TNRC6B: variants seen among roughly 807,000 people sequenced by gnomAD.
TNRC6B encodes the protein trinucleotide repeat containing adaptor 6B.
A neutral mutation model predicts 203.6 loss-of-function variants in TNRC6B; 52 were observed. The observed-to-expected ratio is 0.26, with a 90% confidence interval of 0.20 to 0.32. The LOEUF is 0.32. Among genes scored for constraint, TNRC6B ranks in the 10% least tolerant of loss-of-function variants. The pLI is 1.00. For missense variants in TNRC6B, 1,923 were observed against 2,286.2 expected (o/e 0.84, Z 3.24); for synonymous variants, 838 against 845.7 (o/e 0.99, Z 0.16).
rs1218156768 is a variant in TNRC6B, at chr22:40,217,110, C to A, written c.6-28905C>A. ...TGTACCGTATATCCTTCCAGGAGCC[C>A]ATTTCCATACTCTGAAAATTCCTCC... On this transcript the variant is annotated intron_variant, in intron 1 of 22. Transcript: ENST00000454349. 2.0e-5 allele frequency among the ~76,000 whole-genome samples: 3 copies of A among 152,156 alleles called. No homozygotes were observed. The East Asian group carries it at 5.8e-4, about 29-fold the overall frequency.
intron 1 of TNRC6B, among the ~76,000 whole-genome samples, chr22:40,216,637 C>T (rs925276692): frequency 3.3e-5 from 5 of 152,002 alleles, no homozygotes; most frequent in South Asian, 2.1e-4. Context: ...GAAACAAAAA[C>T]GCAACACCTC....
chr22:40,053,126 A>G (rs1208338217), intron 1 of TNRC6B, among the ~76,000 whole-genome samples: 2 of 151,842 alleles, frequency 1.3e-5, no homozygotes, highest in Non-Finnish European at 2.9e-5. Flanking sequence ...TAGGTATTTA[A>G]CATATACCAC....
At chr22:40,114,820 G>A (rs772062654) in intron 1 of TNRC6B, among the ~76,000 whole-genome samples, 1 of 152,174 alleles carries the variant, frequency 6.6e-6, no homozygotes, top group African/African-American at 2.4e-5. Context: ...TAGGATTACC[G>A]TGTAGTTCTG....
chr22:40,119,292 C>T (rs2068420834), intron 2 of TNRC6B, among the ~76,000 whole-genome samples: 2 of 152,192 alleles, frequency 1.3e-5, no homozygotes, highest in African/African-American at 2.4e-5. Flanking sequence ...AGAAATTAAA[C>T]ACTTGTGTCG....
At chr22:40,225,736 C>T (rs1224675756) in intron 1 of TNRC6B, among the ~76,000 whole-genome samples, 1 of 107,722 alleles carries the variant, frequency 9.3e-6, no homozygotes, top group Non-Finnish European at 1.9e-5. Context: ...GAGTGAGACT[C>T]CGTCTCAAAA....
Position 40,310,890 on chromosome 22 carries a change from A to G in TNRC6B, c.4332A>G (p.Thr1444=). 1 of 1,612,334 alleles carries G rather than the reference A, an allele frequency of 6.2e-7. No homozygotes were observed. Among genetic ancestry groups the G allele is most frequent in the Non-Finnish European group, 8.5e-7 (1 of 1,179,348 alleles). The change falls in exon 17 of 23, where the codon ACA becomes ACG. Residue 1444 remains threonine (T), a synonymous_variant. Transcript: ENST00000454349. ...YNQFDIIPGD[T]LGGHTGPAGD... Reference sequence around the variant, plus strand: ...AGTTTGATATCATCCCTGGTGACACACTGGGTGGCCATACGGGTCCTGCTG... The same window carrying G: ...AGTTTGATATCATCCCTGGTGACACGCTGGGTGGCCATACGGGTCCTGCTG...
chr22:40,260,127 AT>A (rs1212067778), intron 3 of TNRC6B, among the ~76,000 whole-genome samples: 1 of 152,254 alleles, frequency 6.6e-6, no homozygotes, highest in African/African-American at 2.4e-5. Flanking sequence ...GTTTAAAAAA[AT>A]CAAATGATTT....
chr22:40,255,141 T>C (rs143883747), intron 3 of TNRC6B, among the ~76,000 whole-genome samples: 5 of 152,202 alleles, frequency 3.3e-5, no homozygotes, highest in Non-Finnish European at 7.3e-5. Flanking sequence ...GGCTCTAGTG[T>C]CTGACACTTA....
At chr22:40,305,803 T>C (rs1204839337) in intron 15 of TNRC6B, among the ~76,000 whole-genome samples, 1 of 152,196 alleles carries the variant, frequency 6.6e-6, no homozygotes, top group Admixed American at 6.5e-5. Flanking sequence ...GCCCGCTTTC[T>C]CTAAGGTTCT....
intron 1 of TNRC6B, among the ~76,000 whole-genome samples, chr22:40,209,050 A>T (rs2069524125): frequency 6.6e-6 from 1 of 152,166 alleles, no homozygotes; most frequent in Non-Finnish European, 1.5e-5. Context: ...TCCCCTGTTC[A>T]TTTTATTATT....
chr22:40,140,235 A>G (rs1200153493), intron 3 of TNRC6B, among the ~76,000 whole-genome samples: 1 of 152,208 alleles, frequency 6.6e-6, no homozygotes, highest in Non-Finnish European at 1.5e-5. Flanking sequence ...AACAAAAAAA[A>G]AACCACTTCT....
At chr22:40,199,733 G>A (rs916247864) in intron 1 of TNRC6B, among the ~76,000 whole-genome samples, 3 of 151,358 alleles carry the variant, frequency 2.0e-5, no homozygotes, top group Admixed American at 1.3e-4. Flanking sequence ...ATGTATCAGC[G>A]TTAATGTTCT....
In TNRC6B at chr22:40,089,480, G is replaced by A. The variant is rs767804449; in HGVS notation, c.-120-27575G>A. On this transcript the variant is annotated intron_variant, in intron 1 of 23. Transcript: ENST00000301923. ...ACTCCTGACCTCAAATAATCCACCC[G>A]CCTCAGCCTCCTAAATTGCTGGGAT... is the stretch of plus-strand genomic sequence containing the variant. Among the ~76,000 whole-genome samples the A allele has an allele frequency of 3.3e-5, 5 of 152,026 alleles. No homozygotes were observed. In the South Asian group the frequency reaches 6.2e-4, roughly 19 times the overall value.
rs902717307 is a variant in TNRC6B, at chr22:40,285,548, C to G, written c.3583-97C>G. 6.4e-6 allele frequency: 9 copies of G among 1,413,754 alleles called. No homozygotes were observed. In the East Asian group the frequency reaches 1.4e-4, roughly 22 times the overall value. The allele number at this position is 1,413,754 out of a possible 1,614,324, so 87.6% of individuals were successfully genotyped here. A position where few individuals can be genotyped will look rare whatever the true frequency, so the allele number is the denominator to read the frequency against. On this transcript the variant is annotated intron_variant, in intron 11 of 22. Transcript: ENST00000454349. ...ATTCTGTTATTCCATCGAACACAGCCTGTGATTCTTCTGAGGGATCTAAAA... is the reference window on the plus strand; with the variant it reads ...ATTCTGTTATTCCATCGAACACAGCGTGTGATTCTTCTGAGGGATCTAAAA...
At chr22:40,197,390 T>C (rs2146401662) in intron 1 of TNRC6B, among the ~76,000 whole-genome samples, 1 of 152,088 alleles carries the variant, frequency 6.6e-6, no homozygotes, top group Non-Finnish European at 1.5e-5. Context: ...GTTCAAGCGA[T>C]TCTCCTGCTT....
At chr22:40,269,450 T>C (rs551996503) in intron 5 of TNRC6B, among the ~76,000 whole-genome samples, 1 of 152,184 alleles carries the variant, frequency 6.6e-6, no homozygotes, top group East Asian at 1.9e-4. Context: ...AGTACTTCTT[T>C]TATGGGTGAC....
upstream of TNRC6B, among the ~76,000 whole-genome samples, chr22:40,176,355 G>A (rs765447750): frequency 1.3e-5 from 2 of 152,016 alleles, no homozygotes; most frequent in African/African-American, 4.8e-5. Context: ...TCGAACTCCC[G>A]ACCTCAGGTG....
chr22:40,165,284 C>A (rs1425353532), intron 4 of TNRC6B, among the ~76,000 whole-genome samples: 1 of 152,014 alleles, frequency 6.6e-6, no homozygotes, highest in Non-Finnish European at 1.5e-5. Flanking sequence ...TCAAGCAATC[C>A]TCCCACTTTA....
chr22:40,094,794 T>C (rs1481443526), intron 1 of TNRC6B, among the ~76,000 whole-genome samples: 1 of 152,254 alleles, frequency 6.6e-6, no homozygotes, highest in Non-Finnish European at 1.5e-5. Context: ...GCTGGAATAG[T>C]AGCATTCTTC....
Sources: gnomAD v4.1 joint callset for allele counts (sites outside exome capture counted in the v4.1 genomes callset) on GRCh38, gnomAD v4.1.1 for gene constraint, MANE v1.5 for transcripts, NCBI Gene and HGNC (gene_info 2026-07-23, HGNC 2026-07-21) for gene names.